DMD: variants seen among roughly 807,000 people sequenced by gnomAD.
DMD encodes mutant dystrophin.
In DMD, 63 loss-of-function variants were observed where a neutral mutation model predicts 330.1. That is an observed-to-expected ratio of 0.19 (90% confidence interval 0.16 to 0.24). The LOEUF is 0.24. Among genes scored for constraint, DMD ranks in the 10% least tolerant of loss-of-function variants. DMD has a pLI of 1.00. For synonymous variants in DMD, 1,223 were observed against 959.8 expected (o/e 1.27, Z -5.07); for missense variants, 3,344 against 2,684.1 (o/e 1.25, Z -5.43).
intron 1 of DMD, among the ~76,000 whole-genome samples, chrX:33,143,245 C>T (rs1245421276): frequency 1.8e-5 from 2 of 110,547 alleles, no homozygotes; most frequent in African/African-American, 6.6e-5. Flanking sequence ...AAACCATTAA[C>T]GTTATAATTT....
rs193079431 is a variant in DMD, at chrX:32,283,560, G to A, written c.6290+3969C>T. ...CATTGTATGGGACTTAGTAGGACAC[G>A]AGGTGTTGACTGCCACTACAATGAA... is the stretch of plus-strand genomic sequence containing the variant. On this transcript the variant is annotated intron_variant, in intron 43 of 78. Transcript: ENST00000357033. Among the ~76,000 whole-genome samples, 13 of 111,393 alleles carry A rather than the reference G, an allele frequency of 1.2e-4. No homozygotes were observed. In the East Asian group the frequency reaches 3.1e-3, roughly 27 times the overall value.
chrX:32,594,060 AC>A (rs774082059), intron 13 of DMD, among the ~76,000 whole-genome samples: 2 of 112,680 alleles, frequency 1.8e-5, no homozygotes, highest in East Asian at 5.6e-4. Context: ...TTTTCTTCAA[AC>A]CTTTTCCAAA....
At chrX:31,587,107 A>G (rs987203951) in intron 55 of DMD, among the ~76,000 whole-genome samples, 22 of 112,037 alleles carry the variant, frequency 2.0e-4, no homozygotes, top group African/African-American at 7.1e-4. Flanking sequence ...GACACAGAAT[A>G]GTAACAACAA....
intron 41 of DMD, among the ~76,000 whole-genome samples, chrX:32,329,557 G>C (rs2042625262): frequency 8.9e-6 from 1 of 112,191 alleles, no homozygotes. Flanking sequence ...ATACTCGAGT[G>C]TATCTACGAA....
intron 25 of DMD, among the ~76,000 whole-genome samples, chrX:32,458,786 G>A (rs940814218): frequency 1.8e-5 from 2 of 111,441 alleles, no homozygotes; most frequent in Non-Finnish European, 3.8e-5. Flanking sequence ...TCATTTCTAC[G>A]TATTCTTTAG....
intron 2 of DMD, among the ~76,000 whole-genome samples, chrX:32,957,902 TA>T (rs1211793346): frequency 8.9e-6 from 1 of 112,180 alleles, no homozygotes. Flanking sequence ...TATCTTCAGT[TA>T]ATCGAGAGAA....
Position 31,169,556 on chromosome X carries a change from G to C in DMD, c.10440C>G (p.Asn3480Lys), listed in dbSNP as rs372682676. 21 of 1,204,680 alleles carry C rather than the reference G, an allele frequency of 1.7e-5. No homozygotes were observed. Among genetic ancestry groups the C allele is most frequent in the Non-Finnish European group, 2.0e-5 (18 of 891,792 alleles). The change falls in exon 74 of 79, where the codon AAC becomes AAG. Residue 3480 changes from asparagine to lysine, a missense_variant. Transcript: ENST00000357033. The stretch of plus-strand genomic sequence containing the variant: ...GAGGCTGGCTCAGGGGGGAGTCCTG[G>C]TTCAAACTTTGGCAGTAATGCTGGA... ...LLIQHYCQSL[N>K]QDSPLSQPRS... is the part of the protein sequence containing the mutation.
rs146569874 is a variant in DMD, at chrX:32,944,593, T to C, written c.93+75546A>G. On this transcript the variant is annotated intron_variant, in intron 2 of 78. Coordinates refer to ENST00000357033, the MANE Select transcript of DMD (RefSeq NM_004006.3). ...CTTTTGTTTCACTAATCTGTTTGTATAGACTTTTAGTAGATTTTTTTTTTT... is the reference window on the plus strand; with the variant it reads ...CTTTTGTTTCACTAATCTGTTTGTACAGACTTTTAGTAGATTTTTTTTTTT... Among the ~76,000 whole-genome samples, 905 of 105,495 alleles carry C rather than the reference T, an allele frequency of 8.6e-3. 10 individuals carry two copies. Among genetic ancestry groups the C allele is most frequent in the African/African-American group, 0.031 (862 of 28,009 alleles). 91.6% of individuals were successfully genotyped at this position (105,495 alleles called of 115,157 possible).
At chrX:33,231,047 T>G (rs898990194) in intron 1 of DMD, among the ~76,000 whole-genome samples, 1 of 111,732 alleles carries the variant, frequency 8.9e-6, no homozygotes, top group South Asian at 3.7e-4. Flanking sequence ...CTTTCAGTAA[T>G]GATGTGCTTG....
chrX:31,143,098 G>A (rs1313319400), intron 76 of DMD, among the ~76,000 whole-genome samples: 1 of 112,017 alleles, frequency 8.9e-6, no homozygotes, highest in East Asian at 2.8e-4. Context: ...ACACCTGTGT[G>A]CATCCTTCAA....
intron 16 of DMD, among the ~76,000 whole-genome samples, chrX:32,565,367 G>A (rs915849897): frequency 2.7e-5 from 3 of 111,579 alleles, no homozygotes; most frequent in East Asian, 5.6e-4. Context: ...GTTGGCTAAT[G>A]TTCCTCGTGG....
In DMD at chrX:32,235,631, C is replaced by T. The variant is rs187178935; in HGVS notation, c.6291-18568G>A. On this transcript the variant is annotated intron_variant, in intron 43 of 78. Transcript: ENST00000357033. ...CATTACAATTTTGGAAGGTTAGAGG[C>T]CAAAAGGGGGTGTATCTTGTTTTAT... is the stretch of plus-strand genomic sequence containing the variant. 3.6e-5 allele frequency among the ~76,000 whole-genome samples: 4 copies of T among 111,351 alleles called. No homozygotes were observed. In the East Asian group the frequency reaches 1.1e-3, roughly 31 times the overall value.
At chrX:32,271,125 C>T (rs1327742411) in intron 43 of DMD, among the ~76,000 whole-genome samples, 2 of 111,785 alleles carry the variant, frequency 1.8e-5, no homozygotes, top group African/African-American at 3.2e-5. Flanking sequence ...ACAGACTGGA[C>T]CATCCTTGGT....
chrX:31,760,549 A>G (rs910333517), intron 51 of DMD, among the ~76,000 whole-genome samples: 2 of 112,095 alleles, frequency 1.8e-5, no homozygotes, highest in African/African-American at 6.5e-5. Flanking sequence ...GTACTGGTTT[A>G]TAGCCTAGGA....
intron 7 of DMD, among the ~76,000 whole-genome samples, chrX:32,734,699 T>G (rs1399599249): frequency 9.1e-6 from 1 of 109,725 alleles, no homozygotes; most frequent in Non-Finnish European, 1.9e-5. Flanking sequence ...AAAAGGCCTT[T>G]GACAAAATTC....
intron 62 of DMD, among the ~76,000 whole-genome samples, chrX:31,301,339 T>C (rs1603331635): frequency 9.0e-6 from 1 of 111,560 alleles, no homozygotes; most frequent in Non-Finnish European, 1.9e-5. Flanking sequence ...CTGGGTAGTT[T>C]ATAAAGCAAA....
intron 74 of DMD, among the ~76,000 whole-genome samples, chrX:31,153,283 C>T (rs1461425454): frequency 8.9e-6 from 1 of 112,145 alleles, no homozygotes; most frequent in Non-Finnish European, 1.9e-5. Flanking sequence ...TAGACCCTTG[C>T]AGCAAACTGT....
At chrX:32,679,775 C>T (rs2062239848) in intron 9 of DMD, among the ~76,000 whole-genome samples, 1 of 108,743 alleles carries the variant, frequency 9.2e-6, no homozygotes, top group African/African-American at 3.4e-5. Context: ...TGAAAAAGAC[C>T]ACGTCAATCA....
chrX:32,039,455 T>C (rs2095980976), intron 44 of DMD, among the ~76,000 whole-genome samples: 2 of 111,780 alleles, frequency 1.8e-5, no homozygotes, highest in African/African-American at 6.5e-5. Context: ...ACATGCCAAA[T>C]TGATTTTATC....
Sources: gnomAD v4.1 joint callset for allele counts (sites outside exome capture counted in the v4.1 genomes callset) on GRCh38, gnomAD v4.1.1 for gene constraint, MANE v1.5 for transcripts, NCBI Gene and HGNC (gene_info 2026-07-23, HGNC 2026-07-21) for gene names.